The following ANKRD30A variants were observed in gnomAD, a reference collection of about 807,000 sequenced individuals.
The protein encoded by ANKRD30A is ankyrin repeat domain 30A.
Under a neutral mutation model 166.3 loss-of-function variants are expected in ANKRD30A, and 170 were observed. That is an observed-to-expected ratio of 1.02 (90% CI 0.90 to 1.16). The LOEUF (loss-of-function observed/expected upper bound fraction) is 1.16, where lower values mean the gene tolerates loss of function less well. ANKRD30A is among the 50% of genes most tolerant of loss of function. ANKRD30A has a pLI of 0.00. For synonymous variants in ANKRD30A, 564 were observed against 508.9 expected (o/e 1.11, Z -1.46); for missense variants, 1,630 against 1,518.0 (o/e 1.07, Z -1.23).
intron 4 of ANKRD30A, among the ~76,000 whole-genome samples, chr10:37,132,745 C>T (rs953431515): frequency 2.0e-5 from 3 of 152,136 alleles, no homozygotes; most frequent in African/African-American, 7.2e-5. Context: ...TGCATGTTAT[C>T]CCACCACTTT....
At chr10:37,256,790 T>G in the ANKRD30A span, among the ~76,000 whole-genome samples, 1 of 152,218 alleles carries the variant, frequency 6.6e-6, no homozygotes, top group Non-Finnish European at 1.5e-5. Flanking sequence ...GTTGGATTCA[T>G]TTTGCCAGTC....
At chr10:37,252,829 T>C in the ANKRD30A span, among the ~76,000 whole-genome samples, 1 of 152,212 alleles carries the variant, frequency 6.6e-6, no homozygotes, top group African/African-American at 2.4e-5. Flanking sequence ...TTAAAACTGC[T>C]TGTCATATAT....
intron 31 of ANKRD30A, among the ~76,000 whole-genome samples, chr10:37,209,807 T>A (rs550800919): frequency 4.6e-5 from 7 of 152,234 alleles, no homozygotes; most frequent in African/African-American, 1.4e-4. Context: ...AGGTTAACTA[T>A]TTTTTCTTGA....
At chr10:37,260,175 T>C in the ANKRD30A span, among the ~76,000 whole-genome samples, 1 of 151,434 alleles carries the variant, frequency 6.6e-6, no homozygotes, top group African/African-American at 2.4e-5. Context: ...GAAAAAATAG[T>C]GTTGCGCTTG....
chr10:37,250,370 G>T, the ANKRD30A span, among the ~76,000 whole-genome samples: 53 of 152,176 alleles, frequency 3.5e-4, no homozygotes, highest in African/African-American at 1.2e-3. Flanking sequence ...CCAGGATCAA[G>T]CAGAGGCATA....
the ANKRD30A span, among the ~76,000 whole-genome samples, chr10:37,257,009 A>T: frequency 6.6e-6 from 1 of 151,740 alleles, no homozygotes; most frequent in Non-Finnish European, 1.5e-5. Flanking sequence ...TCGGCTATGA[A>T]TCCATCTGGT....
At chr10:37,126,664 G>T (rs988566563) in intron 1 of ANKRD30A, among the ~76,000 whole-genome samples, 2 of 152,042 alleles carry the variant, frequency 1.3e-5, no homozygotes, top group Non-Finnish European at 1.5e-5. Flanking sequence ...AATTACACAG[G>T]CTGTCTTTTA....
At chr10:37,209,406 A>G (rs1425593210) in intron 31 of ANKRD30A, among the ~76,000 whole-genome samples, 1 of 152,122 alleles carries the variant, frequency 6.6e-6, no homozygotes, top group Non-Finnish European at 1.5e-5. Context: ...TGCACATCAC[A>G]TGGCCAGAGC....
intron 34 of ANKRD30A, among the ~76,000 whole-genome samples, chr10:37,227,103 A>C (rs1843193950): frequency 6.6e-6 from 1 of 151,824 alleles, no homozygotes. Flanking sequence ...ATTTTCTCCT[A>C]CTCAGTGCTT....
chr10:37,166,852 T>C lies in ANKRD30A; in HGVS notation c.2155+157T>C, dbSNP rs4007147. On this transcript the variant is annotated intron_variant, in intron 19 of 35. Coordinates refer to ENST00000361713, the MANE Select transcript of ANKRD30A (RefSeq NM_052997.3). ...GTCATAAGTTATGTGTCTCATCAGG[T>C]GATGGCAACAGACTATATTGTGAGT... is the stretch of plus-strand genomic sequence containing the variant. Among the ~76,000 whole-genome samples the C allele has an allele frequency of 4.1e-4, 62 of 152,100 alleles. 1 individual carries two copies. Among genetic ancestry groups the C allele is most frequent in the African/African-American group, 1.3e-3 (54 of 41,460 alleles).
chr10:37,130,241 C>G lies in ANKRD30A; in HGVS notation c.373C>G (p.Leu125Val). The change falls in exon 3 of 36, where the codon CTG becomes GTG. Residue 125 changes from leucine (L) to valine (V), a missense_variant. Around this residue, in one of 4 missense-constraint regions of ANKRD30A, gnomAD observed 904 missense variants for 818.5 expected, o/e 1.10. Transcript: ENST00000361713. ...CCATCAGGAGGCTTGTGCAAATATTCTGATAGATTCTGGTGCCGATATAAA... is the reference window on the plus strand; with the variant it reads ...CCATCAGGAGGCTTGTGCAAATATTGTGATAGATTCTGGTGCCGATATAAA... ...QCHQEACANI[L>V]IDSGADINLV... The G allele has an allele frequency of 6.2e-7, 1 of 1,600,984 alleles. No homozygotes were observed. Among genetic ancestry groups the G allele is most frequent in the Non-Finnish European group, 8.5e-7 (1 of 1,174,292 alleles).
chr10:37,192,135 C>G (rs762773552), intron 25 of ANKRD30A, among the ~76,000 whole-genome samples: 15 of 151,948 alleles, frequency 9.9e-5, no homozygotes, highest in African/African-American at 1.5e-4. Context: ...CTCCTGGGTT[C>G]AAGTGATTCT....
rs762121242 is a variant in ANKRD30A, at chr10:37,132,350, T to G, written c.617+4T>G. 6.6e-6 allele frequency: 10 copies of G among 1,509,672 alleles called. No homozygotes were observed. Among genetic ancestry groups the G allele is most frequent in the Non-Finnish European group, 8.0e-6 (9 of 1,118,312 alleles). 93.5% of individuals were successfully genotyped at this position (1,509,672 alleles called of 1,614,324 possible). A position where few individuals can be genotyped will look rare whatever the true frequency, so the allele number is the denominator to read the frequency against. The stretch of plus-strand genomic sequence containing the variant: ...ATGCAGTTAATAAGTATAAATGGTA[T>G]AGTAGTTCTTTTTTTATTAAAAAAC... On this transcript the variant is annotated splice_donor_region_variant and intron_variant, in intron 4 of 35. Coordinates refer to ENST00000361713, the MANE Select transcript of ANKRD30A (RefSeq NM_052997.3).
In ANKRD30A at chr10:37,153,584, A is replaced by G. The variant is rs926012929; in HGVS notation, c.1720A>G (p.Thr574Ala). The part of the protein sequence containing the change: ...NSWDSESLCE[T>A]VSQKDVCLPK... Reference sequence around the variant, plus strand: ...TTACTTTTAACAGAGTCTCTGTGAGACTGTTTCACAGAAGGATGTGTGTTT... The same window carrying G: ...TTACTTTTAACAGAGTCTCTGTGAGGCTGTTTCACAGAAGGATGTGTGTTT... The change falls in exon 13 of 36, where the codon ACT (threonine) becomes GCT (alanine). Residue 574 changes from threonine to alanine, a missense_variant. Physicochemically the swap from Thr to Ala is moderately conservative, Grantham distance 58. Coordinates refer to ENST00000361713, the MANE Select transcript of ANKRD30A (RefSeq NM_052997.3). 9.3e-6 allele frequency: 15 copies of G among 1,612,148 alleles called. No individual in the cohort carries two copies. The highest frequency in any genetic ancestry group is 2.0e-4 in the Middle Eastern group (1 of 5,010).
intron 5 of ANKRD30A, among the ~76,000 whole-genome samples, chr10:37,136,364 A>G (rs1278487988): frequency 6.6e-6 from 1 of 152,180 alleles, no homozygotes; most frequent in African/African-American, 2.4e-5. Flanking sequence ...AGCTAACTCT[A>G]GTTAATTTAC....
the ANKRD30A span, among the ~76,000 whole-genome samples, chr10:37,252,119 A>G: frequency 2.6e-5 from 4 of 152,180 alleles, no homozygotes; most frequent in Non-Finnish European, 5.9e-5. Context: ...GAGAATGAAA[A>G]ATAAGTTTTG....
intron 15 of ANKRD30A, among the ~76,000 whole-genome samples, chr10:37,161,233 T>C (rs529080926): frequency 5.3e-5 from 8 of 152,256 alleles, no homozygotes; most frequent in Admixed American, 2.0e-4. Flanking sequence ...GAAGAGCAGT[T>C]GGATAGAAGG....
In ANKRD30A at chr10:37,162,796, G is replaced by C. The variant is rs550196251; in HGVS notation, c.1950G>C (p.Lys650Asn). Residue 650 changes from lysine to asparagine, a missense_variant, in exon 17 of 36, where the codon AAG becomes AAC. Coordinates refer to ENST00000361713, the MANE Select transcript of ANKRD30A (RefSeq NM_052997.3). ...TTTAGCCTGCCACTGAAATGCAAAAGTCTGTCCCAAATAAAGCCTTGGAAT... is the reference window on the plus strand; with the variant it reads ...TTTAGCCTGCCACTGAAATGCAAAACTCTGTCCCAAATAAAGCCTTGGAAT... ...SAFEPATEMQKSVPNKALELK... is the reference protein window; with the variant it reads ...SAFEPATEMQNSVPNKALELK... The C allele has an allele frequency of 4.3e-6, 7 of 1,613,662 alleles. No individual in the cohort carries two copies. Among genetic ancestry groups the C allele is most frequent in the African/African-American group, 4.0e-5 (3 of 74,974 alleles).
the ANKRD30A span, among the ~76,000 whole-genome samples, chr10:37,240,508 G>T: frequency 6.6e-6 from 1 of 152,024 alleles, no homozygotes; most frequent in African/African-American, 2.4e-5. Flanking sequence ...TACATTTCTT[G>T]GAATACAATA....
Sources: allele counts gnomAD v4.1 joint callset (sites outside exome capture counted in the v4.1 genomes callset), GRCh38; gene constraint gnomAD v4.1.1; regional missense constraint gnomAD v4.1.1; transcripts MANE v1.5; gene names NCBI Gene and HGNC (gene_info 2026-07-23, HGNC 2026-07-21).